The following ARHGAP18 variants were observed in gnomAD, a reference collection of about 807,000 sequenced individuals.
ARHGAP18 encodes rho GTPase-activating protein 18.
A neutral mutation model predicts 86.2 loss-of-function variants in ARHGAP18; 67 were observed. The ratio of observed to expected loss-of-function variants is 0.78; its 90% CI spans 0.64 to 0.95. The LOEUF (loss-of-function observed/expected upper bound fraction) is 0.95, where lower values mean the gene tolerates loss of function less well. ARHGAP18 is among the 40% of genes least tolerant of loss of function. ARHGAP18 has a pLI of 0.00. For synonymous variants in ARHGAP18, 283 were observed against 280.4 expected, an observed-to-expected ratio of 1.01 and a Z score of -0.09; for missense variants, 691 against 780.4, an observed-to-expected ratio of 0.89 and a Z score of 1.37.
intron 2 of ARHGAP18, among the ~76,000 whole-genome samples, chr6:129,640,391 C>G (rs1398566732): frequency 2.0e-5 from 3 of 152,156 alleles, no homozygotes; most frequent in African/African-American, 4.8e-5. Flanking sequence ...ACGCTGCTTT[C>G]TCAAACATAT....
At position 129,624,964 on chromosome 6, in the gene ARHGAP18, GA is replaced by G. The variant is rs1789311962; in HGVS notation, c.786+4388del. 2.4e-5 allele frequency among the ~76,000 whole-genome samples: 3 copies of G among 122,998 alleles called. No homozygotes were observed. The South Asian group carries it at 7.0e-4, about 29-fold the overall frequency. The allele number at this position is 122,998 out of a possible 152,430, so 80.7% of individuals were successfully genotyped here. A position where few individuals can be genotyped will look rare whatever the true frequency, so the allele number is the denominator to read the frequency against. ...CCATTTCAAAAATATATATATATATGATATATATTTATATATAATATATATT... is the reference window on the plus strand; with the variant it reads ...CCATTTCAAAAATATATATATATATGTATATATTTATATATAATATATATT... On this transcript the variant is annotated intron_variant, in intron 5 of 14. Coordinates refer to ENST00000368149, the MANE Select transcript of ARHGAP18 (RefSeq NM_033515.3).
intron 1 of ARHGAP18, among the ~76,000 whole-genome samples, chr6:129,644,374 T>C (rs1257462498): frequency 6.6e-6 from 1 of 152,202 alleles, no homozygotes; most frequent in Non-Finnish European, 1.5e-5. Flanking sequence ...CATCCCTCTC[T>C]TAAAAATAAA....
chr6:129,611,490 A>C, intron 8 of ARHGAP18, 43 bp downstream of exon 8: 1 of 1,546,754 alleles, frequency 6.5e-7, no homozygotes. Flanking sequence ...CATAAGTGTA[A>C]ATAAACAATA....
At chr6:129,630,061 A>G (rs559815581) in intron 4 of ARHGAP18, among the ~76,000 whole-genome samples, 2 of 152,336 alleles carry the variant, frequency 1.3e-5, no homozygotes, top group East Asian at 3.9e-4. Context: ...TTAGTGCCAA[A>G]AAGTGATCAC....
intron 6 of ARHGAP18, 105 bp from the exon 7 acceptor site, chr6:129,616,408 T>C (rs930333613): frequency 5.7e-6 from 5 of 883,570 alleles, no homozygotes; most frequent in African/African-American, 1.7e-5. Flanking sequence ...AGACAACTAT[T>C]TATTTAGCAA....
chr6:129,637,409 ACC>A (rs1773356634), intron 3 of ARHGAP18, among the ~76,000 whole-genome samples: 2 of 152,150 alleles, frequency 1.3e-5, no homozygotes, highest in Non-Finnish European at 2.9e-5. Flanking sequence ...CACAGTCTCT[ACC>A]AGACCCCACA....
At chr6:129,641,640 G>C (rs931946393) in intron 2 of ARHGAP18, among the ~76,000 whole-genome samples, 176 bp downstream of exon 2, 5 of 152,158 alleles carry the variant, frequency 3.3e-5, no homozygotes, top group African/African-American at 1.2e-4. Context: ...TATGCCACTT[G>C]TATCTGGCAG....
At chr6:129,590,185 T>C (rs1213283539) in intron 12 of ARHGAP18, among the ~76,000 whole-genome samples, 2 of 152,180 alleles carry the variant, frequency 1.3e-5, no homozygotes. Context: ...ATATTTTGCA[T>C]CCTTTAATCC....
rs1046937701 is a variant in ARHGAP18, at chr6:129,709,935, T to A, written c.113+89A>T. 7 of 1,045,350 alleles carry A rather than the reference T, an allele frequency of 6.7e-6. No individual in the cohort carries two copies. The African/African-American group carries it at 1.1e-4, about 16-fold the overall frequency. 64.8% of individuals were successfully genotyped at this position (1,045,350 alleles called of 1,614,324 possible). On this transcript the variant is annotated intron_variant, in intron 1 of 14. Transcript: ENST00000368149. ...GCTCAGGCTCGACGTGCAGATGGAA[T>A]TCCCTTCTCCCCACGCCAACTTCCC...
At chr6:129,600,883 T>C (rs759301621) in intron 10 of ARHGAP18, 35 bp from the exon 11 acceptor site, 3 of 1,553,630 alleles carry the variant, frequency 1.9e-6, no homozygotes, top group Non-Finnish European at 2.6e-6. Flanking sequence ...ATTTGTGTCA[T>C]ATATGAAGAT....
intron 14 of ARHGAP18, among the ~76,000 whole-genome samples, chr6:129,578,989 A>AT (rs988190039): frequency 1.3e-5 from 2 of 151,008 alleles, no homozygotes; most frequent in Admixed American, 6.6e-5. Context: ...AATAATAATA[A>AT]AAAAAAAACT....
intron 1 of ARHGAP18, among the ~76,000 whole-genome samples, chr6:129,664,244 A>G (rs1045694249): frequency 2.0e-5 from 3 of 152,246 alleles, no homozygotes; most frequent in African/African-American, 7.2e-5. Context: ...AGCAATAAAC[A>G]TAGCAGGGGA....
Position 129,616,247 on chromosome 6 carries a change from C to T in ARHGAP18, c.1009G>A (p.Val337Ile). 7 of 1,611,748 alleles carry T rather than the reference C, an allele frequency of 4.3e-6. No individual in the cohort carries two copies. Among genetic ancestry groups the T allele is most frequent in the Non-Finnish European group, 5.1e-6 (6 of 1,178,734 alleles). Residue 337 changes from valine (V) to isoleucine (I), a missense_variant, in exon 7 of 15, where the codon GTA (valine) becomes ATA (isoleucine). Transcript: ENST00000368149. ...ATCAAGGGTATTCGCATTCCTGGTA[C>T]TTTCCTCTGATCTTGTTCTAATAGC... The part of the protein sequence containing the change: ...TALLEQDQRK[V>I]PGMRIPLIFQ...
intron 12 of ARHGAP18, among the ~76,000 whole-genome samples, chr6:129,592,629 T>C (rs1183728317): frequency 6.6e-6 from 1 of 152,172 alleles, no homozygotes; most frequent in African/African-American, 2.4e-5. Context: ...GTGAGCAGCA[T>C]GGCATTTTGG....
At position 129,633,992 on chromosome 6, in the gene ARHGAP18, C is replaced by G. The variant is rs375133558; in HGVS notation, c.616+50G>C. On this transcript the variant is annotated intron_variant, in intron 4 of 14. Coordinates refer to ENST00000368149, the MANE Select transcript of ARHGAP18 (RefSeq NM_033515.3). ...GTTTTATAAGACTGTAACTGTTATA[C>G]TAATTAAAGGGCGGAAAAAAAAAAA... 20 of 1,468,830 alleles carry G rather than the reference C, an allele frequency of 1.4e-5. No individual in the cohort carries two copies. The East Asian group carries it at 4.1e-4, about 30-fold the overall frequency. The allele number at this position is 1,468,830 out of a possible 1,614,324, so 91.0% of individuals were successfully genotyped here. A position where few individuals can be genotyped will look rare whatever the true frequency, so the allele number is the denominator to read the frequency against.
At chr6:129,654,742 A>G (rs1264117989) in intron 1 of ARHGAP18, among the ~76,000 whole-genome samples, 1 of 151,944 alleles carries the variant, frequency 6.6e-6, no homozygotes, top group Non-Finnish European at 1.5e-5. Flanking sequence ...GTTCTCCTCT[A>G]CTTTTCCCAT....
chr6:129,594,029 A>C (rs1788568078), intron 12 of ARHGAP18, among the ~76,000 whole-genome samples: 1 of 152,158 alleles, frequency 6.6e-6, no homozygotes, highest in Admixed American at 6.5e-5. Flanking sequence ...CCAGGCTGGC[A>C]TCTAACTCTT....
At chr6:129,601,492 GAGAGAAAAGAGAAA>G (rs144143013) in intron 10 of ARHGAP18, among the ~76,000 whole-genome samples, 10 of 146,550 alleles carry the variant, frequency 6.8e-5, no homozygotes, top group Non-Finnish European at 1.5e-4. Context: ...GAGAAGAGAA[GAGAGAAAAGAGAAA>G]AGAGAAAAGA....
chr6:129,611,114 G>A (rs1186189034), intron 8 of ARHGAP18, among the ~76,000 whole-genome samples: 2 of 151,970 alleles, frequency 1.3e-5, no homozygotes, highest in African/African-American at 4.8e-5. Flanking sequence ...GTTGCCCAAG[G>A]TGGTCTTGAA....
Sources: gnomAD v4.1 joint callset for allele counts (sites outside exome capture counted in the v4.1 genomes callset) on GRCh38, gnomAD v4.1.1 for gene constraint, MANE v1.5 for transcripts, NCBI Gene and HGNC (gene_info 2026-07-23, HGNC 2026-07-21) for gene names.